The following MCTP2 variants were observed in gnomAD, a reference collection of about 807,000 sequenced individuals.
The protein encoded by MCTP2 is multiple C2 and transmembrane domain containing 2.
A neutral mutation model predicts 111.6 loss-of-function variants in MCTP2; 132 were observed. The observed-to-expected ratio is 1.18, with a 90% CI of 1.03 to 1.37. The LOEUF (loss-of-function observed/expected upper bound fraction) is 1.37. Among genes scored for constraint, MCTP2 ranks in the 40% most tolerant of loss-of-function variants. The pLI is 0.00. For synonymous variants in MCTP2, 395 were observed against 387.7 expected, an observed-to-expected ratio of 1.02 and a Z score of -0.22; for missense variants, 1,183 against 1,067.9, an observed-to-expected ratio of 1.11 and a Z score of -1.50.
intron 19 of MCTP2, among the ~76,000 whole-genome samples, chr15:94,446,511 C>T (rs1330507049): frequency 1.3e-5 from 2 of 152,216 alleles, no homozygotes; most frequent in Non-Finnish European, 2.9e-5. Context: ...AACCAAGAAA[C>T]TATTGTGTAA....
chr15:94,348,354 A>C (rs1276541482), intron 8 of MCTP2, among the ~76,000 whole-genome samples: 37 of 89,376 alleles, frequency 4.1e-4, no homozygotes, highest in Admixed American at 5.5e-4. Flanking sequence ...CTCCTCTCTC[A>C]CTCTCCATCC....
chr15:94,438,974 G>A (rs1270671037), intron 17 of MCTP2, among the ~76,000 whole-genome samples: 1 of 152,070 alleles, frequency 6.6e-6, no homozygotes, highest in East Asian at 1.9e-4. Context: ...AAACAGAAGA[G>A]GATCCTTAAT....
chr15:94,297,156 T>G (rs903727665), intron 1 of MCTP2, among the ~76,000 whole-genome samples: 6 of 152,228 alleles, frequency 3.9e-5, no homozygotes, highest in African/African-American at 1.4e-4. Flanking sequence ...TTTTTCATAC[T>G]GAAAGGATTT....
chr15:94,241,405 C>G (rs1324129669), intron 1 of MCTP2, among the ~76,000 whole-genome samples: 1 of 152,050 alleles, frequency 6.6e-6, no homozygotes, highest in Non-Finnish European at 1.5e-5. Context: ...ATTTTGCTGA[C>G]CAATTCTGGA....
intron 7 of MCTP2, chr15:94,342,502 T>G (rs1005978246): frequency 1.3e-5 from 2 of 152,094 alleles, no homozygotes; most frequent in Non-Finnish European, 2.9e-5. Context: ...ATGTGCTTCC[T>G]TATTTTCTTT....
At chr15:94,349,779 C>T (rs984275162) in intron 8 of MCTP2, among the ~76,000 whole-genome samples, 1 of 142,998 alleles carries the variant, frequency 7.0e-6, no homozygotes, top group Non-Finnish European at 1.5e-5. Flanking sequence ...GAGATCGCAG[C>T]ACTGCACTCC....
intron 20 of MCTP2, among the ~76,000 whole-genome samples, chr15:94,461,317 G>A (rs946171131): frequency 7.9e-5 from 12 of 151,926 alleles, no homozygotes; most frequent in African/African-American, 2.4e-4. Flanking sequence ...AAAATTAGCC[G>A]AGCATGGTGG....
At chr15:94,357,866 AAG>A (rs1194302281) in intron 9 of MCTP2, among the ~76,000 whole-genome samples, 6 of 152,218 alleles carry the variant, frequency 3.9e-5, no homozygotes, top group African/African-American at 1.2e-4. Flanking sequence ...ATCACTTTTG[AAG>A]AACACAGAAA....
chr15:94,255,605 T>C (rs961623947), intron 1 of MCTP2, among the ~76,000 whole-genome samples: 1 of 152,150 alleles, frequency 6.6e-6, no homozygotes, highest in African/African-American at 2.4e-5. Context: ...GGACGTTGCA[T>C]CTCGTGAAGA....
At chr15:94,443,019 A>G in intron 19 of MCTP2, 59 bp downstream of exon 19, 2 of 1,387,116 alleles carry the variant, frequency 1.4e-6, no homozygotes, top group Non-Finnish European at 2.0e-6. Flanking sequence ...AACAGATAGC[A>G]TTCCTTCAGG....
intron 1 of MCTP2, among the ~76,000 whole-genome samples, chr15:94,261,945 A>C (rs2073210538): frequency 1.3e-5 from 2 of 152,178 alleles, no homozygotes; most frequent in Non-Finnish European, 2.9e-5. Flanking sequence ...ACTATATTTC[A>C]GGACTTTGAA....
intron 1 of MCTP2, among the ~76,000 whole-genome samples, chr15:94,279,604 T>C (rs2074378915): frequency 6.6e-6 from 1 of 152,140 alleles, no homozygotes; most frequent in Non-Finnish European, 1.5e-5. Context: ...ATGCCTTTTA[T>C]TTCTTTCTCT....
At chr15:94,277,512 A>G (rs1377046199) in intron 1 of MCTP2, among the ~76,000 whole-genome samples, 1 of 152,218 alleles carries the variant, frequency 6.6e-6, no homozygotes, top group African/African-American at 2.4e-5. Context: ...TTATCAAGCT[A>G]TGAAAAGGCA....
At chr15:94,370,334 A>C (rs1220777805) in intron 12 of MCTP2, among the ~76,000 whole-genome samples, 154 bp downstream of exon 12, 2 of 152,218 alleles carry the variant, frequency 1.3e-5, no homozygotes, top group Non-Finnish European at 2.9e-5. Flanking sequence ...AGACTTGAGC[A>C]ATTTCTTTCA....
intron 10 of MCTP2, among the ~76,000 whole-genome samples, chr15:94,359,723 G>A (rs995306873): frequency 6.6e-6 from 1 of 152,174 alleles, no homozygotes; most frequent in Non-Finnish European, 1.5e-5. Flanking sequence ...GCCCAAGGAA[G>A]TGAAATTTTT....
chr15:94,319,037 G>GTTTTT (rs35821375), intron 4 of MCTP2, among the ~76,000 whole-genome samples: 1 of 146,494 alleles, frequency 6.8e-6, no homozygotes. Context: ...ATTGTTCTTG[G>GTTTTT]TTTTTTTTTT....
intron 12 of MCTP2, 111 bp downstream of exon 12, chr15:94,370,291 C>A: frequency 1.3e-6 from 1 of 766,796 alleles, no homozygotes; most frequent in Non-Finnish European, 2.0e-6. Flanking sequence ...AACAGTCATG[C>A]TCCTTCAAAT....
At chr15:94,275,555 A>G (rs991262447) in intron 1 of MCTP2, among the ~76,000 whole-genome samples, 1 of 18,810 alleles carries the variant, frequency 5.3e-5, no homozygotes, top group African/African-American at 2.4e-4. Flanking sequence ...CATTTTCTCC[A>G]CTGTCTTTTT....
At position 94,251,100 on chromosome 15, in the gene MCTP2, C is replaced by G. The variant is rs568726194; in HGVS notation, c.-66+19436C>G. Among the ~76,000 whole-genome samples the G allele has an allele frequency of 3.3e-4, 51 of 152,270 alleles. 1 individual carries two copies. In the South Asian group the frequency reaches 6.4e-3, roughly 19 times the overall value. On this transcript the variant is annotated intron_variant, in intron 1 of 22. Coordinates refer to ENST00000357742, the MANE Select transcript of MCTP2 (RefSeq NM_001385001.1). ...ACATAAACATTTGGGCTGAGAGCAT[C>G]TCTTGAAAGATCTGAGTGTGAGGCG...
Sources: gnomAD v4.1 joint callset for allele counts (sites outside exome capture counted in the v4.1 genomes callset) on GRCh38, gnomAD v4.1.1 for gene constraint, MANE v1.5 for transcripts, NCBI Gene and HGNC (gene_info 2026-07-23, HGNC 2026-07-21) for gene names.